The following PTPN9 variants were observed in gnomAD, a reference collection of about 807,000 sequenced individuals.
PTPN9 encodes protein tyrosine phosphatase non-receptor type 9.
A neutral mutation model predicts 69.8 loss-of-function variants in PTPN9; 26 were observed. That is an observed-to-expected ratio of 0.37 (90% CI 0.27 to 0.52). PTPN9 has a LOEUF of 0.52. PTPN9 is among the 20% of genes least tolerant of loss of function. The probability of loss-of-function intolerance (pLI) is 0.91; values close to 1 mark genes in which losing one functional copy is unlikely to be tolerated. For missense variants in PTPN9, 549 were observed against 740.3 expected, an observed-to-expected ratio of 0.74 and a Z score of 3.00; for synonymous variants, 274 against 272.5, an observed-to-expected ratio of 1.01 and a Z score of -0.05.
intron 9 of PTPN9, among the ~76,000 whole-genome samples, chr15:75,475,396 T>G (rs538547317): frequency 6.6e-6 from 1 of 152,164 alleles, no homozygotes; most frequent in South Asian, 2.1e-4. Context: ...CTGGCCAACA[T>G]GGTAAAACCC....
At chr15:75,558,874 C>G (rs1049082459) in intron 1 of PTPN9, among the ~76,000 whole-genome samples, 28 of 152,112 alleles carry the variant, frequency 1.8e-4, no homozygotes, top group Admixed American at 1.5e-3. Context: ...GATCTCGGCT[C>G]GCTACAACCT....
chr15:75,561,765 A>C (rs948199639), intron 1 of PTPN9, among the ~76,000 whole-genome samples: 3 of 152,068 alleles, frequency 2.0e-5, no homozygotes, highest in African/African-American at 7.2e-5. Flanking sequence ...GCTGGAGTGC[A>C]ATGACACGAT....
At chr15:75,483,433 T>G (rs2141294858) in intron 8 of PTPN9, among the ~76,000 whole-genome samples, 1 of 152,254 alleles carries the variant, frequency 6.6e-6, no homozygotes, top group East Asian at 1.9e-4. Flanking sequence ...CTAGAAAACA[T>G]TATGCTAAAT....
chr15:75,562,414 T>C (rs1262767694), intron 1 of PTPN9, among the ~76,000 whole-genome samples: 5 of 152,128 alleles, frequency 3.3e-5, no homozygotes, highest in African/African-American at 7.2e-5. Flanking sequence ...CTGGGGTGTG[T>C]GTGTCATACA....
intron 1 of PTPN9, among the ~76,000 whole-genome samples, chr15:75,573,397 T>G (rs1274049998): frequency 6.6e-6 from 1 of 152,216 alleles, no homozygotes; most frequent in Non-Finnish European, 1.5e-5. Flanking sequence ...AGCCCAATTG[T>G]AGGCTTTATA....
intron 1 of PTPN9, among the ~76,000 whole-genome samples, chr15:75,556,435 T>C (rs2075077746): frequency 6.6e-6 from 1 of 151,730 alleles, no homozygotes; most frequent in Non-Finnish European, 1.5e-5. Context: ...TGGAGCGTAG[T>C]GGCACAATCT....
intron 1 of PTPN9, among the ~76,000 whole-genome samples, chr15:75,569,648 T>C (rs920096789): frequency 3.0e-5 from 4 of 132,002 alleles, no homozygotes; most frequent in African/African-American, 1.2e-4. Context: ...GAGGTTGCAG[T>C]GAGCGGAGAT....
In PTPN9 at chr15:75,468,969, G is replaced by A; in HGVS notation, c.1582C>T (p.Leu528=). ...GIGRTGTFCS[L]DICLAQLEEL... ...TCCAGCTGTGCCAGGCAGATGTCCA[G>A]TGAGCAGAAGGTACCTGAAGAAGGA... is the stretch of plus-strand genomic sequence containing the variant. The change falls in exon 13 of 13, where the codon CTG becomes TTG. Residue 528 remains leucine, a synonymous_variant. Coordinates refer to ENST00000618819, the MANE Select transcript of PTPN9 (RefSeq NM_002833.4). 1.2e-6 allele frequency: 2 copies of A among 1,612,558 alleles called. No homozygotes were observed. Among genetic ancestry groups the A allele is most frequent in the East Asian group, 2.2e-5 (1 of 44,836 alleles).
chr15:75,515,962 T>C (rs1179873580), intron 5 of PTPN9, among the ~76,000 whole-genome samples: 2 of 151,564 alleles, frequency 1.3e-5, no homozygotes, highest in Non-Finnish European at 2.9e-5. Flanking sequence ...AAAGAGTACA[T>C]AGAGATATGC....
chr15:75,574,219 A>G (rs980688190), intron 1 of PTPN9, among the ~76,000 whole-genome samples: 21 of 150,154 alleles, frequency 1.4e-4, no homozygotes, highest in African/African-American at 5.2e-4. Context: ...CAGGAGGTTG[A>G]GGCTGTAATG....
chr15:75,522,674 G>A (rs952843669), intron 4 of PTPN9, among the ~76,000 whole-genome samples: 113 of 152,122 alleles, frequency 7.4e-4, no homozygotes, highest in African/African-American at 2.4e-3. Context: ...CAAAGTGCTG[G>A]GATTACAGGT....
At chr15:75,486,194 C>G (rs1335581397) in intron 8 of PTPN9, among the ~76,000 whole-genome samples, 1 of 151,850 alleles carries the variant, frequency 6.6e-6, no homozygotes, top group South Asian at 2.1e-4. Context: ...ACCCGGAACA[C>G]TATGTTGTGA....
In PTPN9 at chr15:75,549,133, G is replaced by A. The variant is rs370125185; in HGVS notation, c.64-21872C>T. ...AGCCACCACACCCAGCCAGATGCTG[G>A]TGTTTTTTAAAGAAATCCTTAAAAG... On this transcript the variant is annotated intron_variant, in intron 1 of 12. Coordinates refer to ENST00000618819, the MANE Select transcript of PTPN9 (RefSeq NM_002833.4). Among the ~76,000 whole-genome samples the A allele has an allele frequency of 2.7e-3, 409 of 152,016 alleles. 1 individual carries two copies. The highest frequency in any genetic ancestry group is 9.3e-3 in the African/African-American group (386 of 41,470).
intron 1 of PTPN9, among the ~76,000 whole-genome samples, chr15:75,558,810 C>T (rs1445968871): frequency 6.6e-6 from 1 of 151,446 alleles, no homozygotes; most frequent in Non-Finnish European, 1.5e-5. Context: ...GGATTGCAGA[C>T]GGAGTCTCGT....
At chr15:75,492,367 G>A (rs758184902) in intron 7 of PTPN9, among the ~76,000 whole-genome samples, 1 of 152,158 alleles carries the variant, frequency 6.6e-6, no homozygotes, top group Non-Finnish European at 1.5e-5. Flanking sequence ...GGCTGACGTG[G>A]CCAGACACAG....
At chr15:75,543,376 G>T (rs1178609449) in intron 1 of PTPN9, among the ~76,000 whole-genome samples, 1 of 152,122 alleles carries the variant, frequency 6.6e-6, no homozygotes, top group South Asian at 2.1e-4. Flanking sequence ...ACCGCATAAA[G>T]AAATCAAAGG....
At chr15:75,492,344 A>G (rs1466752629) in intron 7 of PTPN9, among the ~76,000 whole-genome samples, 4 of 152,188 alleles carry the variant, frequency 2.6e-5, no homozygotes, top group Non-Finnish European at 5.9e-5. Flanking sequence ...GAAAAAGCAG[A>G]TAGGAGGATT....
chr15:75,515,223 C>G (rs993830212), intron 5 of PTPN9, among the ~76,000 whole-genome samples: 1 of 150,526 alleles, frequency 6.6e-6, no homozygotes, highest in Non-Finnish European at 1.5e-5. Context: ...GTGAGGAGAT[C>G]GAGACCATCT....
intron 7 of PTPN9, among the ~76,000 whole-genome samples, chr15:75,497,802 C>CAAAAAA (rs879944894): frequency 9.7e-5 from 7 of 72,242 alleles, no homozygotes; most frequent in African/African-American, 3.5e-4. Flanking sequence ...AACTCTGTCT[C>CAAAAAA]AAAAAAAAAA....
Sources: gnomAD v4.1 joint callset for allele counts (sites outside exome capture counted in the v4.1 genomes callset) on GRCh38, gnomAD v4.1.1 for gene constraint, MANE v1.5 for transcripts, NCBI Gene and HGNC (gene_info 2026-07-23, HGNC 2026-07-21) for gene names.